Variants in VPS8 observed in about 807,000 individuals in gnomAD.
VPS8 encodes the protein vacuolar protein sorting-associated protein 8 homolog.
A neutral mutation model predicts 216.4 loss-of-function variants in VPS8; 129 were observed. That is an observed-to-expected ratio of 0.60 (90% CI 0.52 to 0.69). The LOEUF (loss-of-function observed/expected upper bound fraction) is 0.69. Ranked by LOEUF, VPS8 falls within the 30% of genes least tolerant of loss-of-function variation. The pLI, the probability that VPS8 is intolerant of heterozygous loss-of-function variation, is 0.00. For synonymous variants in VPS8, 571 were observed against 565.4 expected, an observed-to-expected ratio of 1.01 and a Z score of -0.14; for missense variants, 1,531 against 1,683.5, an observed-to-expected ratio of 0.91 and a Z score of 1.59.
chr3:184,952,288 G>A (rs181360047), intron 36 of VPS8, among the ~76,000 whole-genome samples: 21 of 152,226 alleles, frequency 1.4e-4, no homozygotes, highest in Middle Eastern at 3.4e-3. Context: ...CATTGGTGAC[G>A]TGTGTGGGGA....
At position 184,926,588 on chromosome 3, in the gene VPS8, G is replaced by A; in HGVS notation, c.2575-6G>A. The stretch of plus-strand genomic sequence containing the variant: ...ATCAAATAAAAAATACTTTTTCTTC[G>A]GCCAGGTCCTTGAATTCCTTTGTAG... On this transcript the variant is annotated splice_polypyrimidine_tract_variant and splice_region_variant and intron_variant, in intron 30 of 47. Transcript: ENST00000625842. 6.3e-7 allele frequency: 1 copy of A among 1,592,810 alleles called. No individual in the cohort carries two copies. Among genetic ancestry groups the A allele is most frequent in the Non-Finnish European group, 8.6e-7 (1 of 1,169,316 alleles).
chr3:184,951,974 C>T (rs565556755), intron 36 of VPS8, among the ~76,000 whole-genome samples: 9 of 152,200 alleles, frequency 5.9e-5, no homozygotes, highest in South Asian at 2.1e-4. Flanking sequence ...AACTTTGTTT[C>T]TCGTAAATGG....
intron 45 of VPS8, among the ~76,000 whole-genome samples, chr3:185,009,401 A>G (rs186485301): frequency 3.8e-4 from 58 of 152,354 alleles, no homozygotes; most frequent in Non-Finnish European, 7.3e-4. Flanking sequence ...ACTGAGACAC[A>G]TTAAAAATAC....
At chr3:184,999,542 G>A (rs1164315735) in intron 44 of VPS8, among the ~76,000 whole-genome samples, 154 bp from the exon 45 acceptor site, 1 of 152,206 alleles carries the variant, frequency 6.6e-6, no homozygotes, top group African/African-American at 2.4e-5. Context: ...GAGGACAGCA[G>A]CAAGTACATT....
intron 39 of VPS8, among the ~76,000 whole-genome samples, chr3:184,967,430 A>G (rs1224720635): frequency 3.9e-5 from 6 of 152,210 alleles, no homozygotes; most frequent in Admixed American, 3.9e-4. Flanking sequence ...CCGAATTTAT[A>G]CAGTTTTAAC....
intron 21 of VPS8, among the ~76,000 whole-genome samples, chr3:184,876,696 G>A (rs758407872): frequency 5.9e-5 from 9 of 152,124 alleles, no homozygotes; most frequent in Non-Finnish European, 1.0e-4. Flanking sequence ...GGTGATTCTT[G>A]TCTTTTACTT....
At position 184,884,971 on chromosome 3, in the gene VPS8, G is replaced by T. The variant is rs563620591; in HGVS notation, c.1735-1139G>T. ...CATTACCTAGCCCACTGTATTCTCAGTCAGGGTTGAGATTTGCTGTAGCTC... is the reference window on the plus strand; with the variant it reads ...CATTACCTAGCCCACTGTATTCTCATTCAGGGTTGAGATTTGCTGTAGCTC... On this transcript the variant is annotated intron_variant, in intron 21 of 47. Transcript: ENST00000625842. 2.6e-4 allele frequency among the ~76,000 whole-genome samples: 39 copies of T among 152,290 alleles called. No homozygotes were observed. In the South Asian group the frequency reaches 7.7e-3, roughly 30 times the overall value.
chr3:184,910,128 A>ATTTT lies in VPS8; in HGVS notation c.2147-3372_2147-3369dup, dbSNP rs10707371. 4.1e-4 allele frequency among the ~76,000 whole-genome samples: 36 copies of ATTTT among 87,264 alleles called. 1 individual carries two copies. Among genetic ancestry groups the ATTTT allele is most frequent in the African/African-American group, 8.1e-4 (18 of 22,126 alleles). 57.2% of individuals were successfully genotyped at this position (87,264 alleles called of 152,430 possible). ...TCTCTTTTCTTTGCAAGATTCTCCT[A>ATTTT]TTTTTTTTTTTTTTTTTTTTTTGAG... On this transcript the variant is annotated intron_variant, in intron 25 of 47. Transcript: ENST00000625842.
At chr3:184,834,522 G>T (rs897296641) in intron 4 of VPS8, 127 bp from the exon 5 acceptor site, 12 of 694,684 alleles carry the variant, frequency 1.7e-5, no homozygotes, top group Non-Finnish European at 2.7e-5. Context: ...AAAAAAAACA[G>T]ATCTAACAAA....
intron 36 of VPS8, among the ~76,000 whole-genome samples, chr3:184,940,503 A>C (rs1473445294): frequency 6.6e-6 from 1 of 152,146 alleles, no homozygotes; most frequent in Non-Finnish European, 1.5e-5. Flanking sequence ...AAAATAATGA[A>C]GCCATGCCAC....
At chr3:184,938,160 A>T (rs1368008517) in intron 35 of VPS8, among the ~76,000 whole-genome samples, 1 of 152,128 alleles carries the variant, frequency 6.6e-6, no homozygotes, top group Admixed American at 6.5e-5. Flanking sequence ...TTGTGAAGTA[A>T]AATGTATAGG....
chr3:184,870,652 A>G (rs1311509174), intron 20 of VPS8, 64 bp from the exon 21 acceptor site: 2 of 1,209,824 alleles, frequency 1.7e-6, no homozygotes, highest in Admixed American at 2.2e-5. Flanking sequence ...TAGGAGAGCC[A>G]CATACATATT....
intron 13 of VPS8, among the ~76,000 whole-genome samples, chr3:184,854,539 C>T (rs1460183563): frequency 6.6e-6 from 1 of 152,192 alleles, no homozygotes. Context: ...TAGCTTCATT[C>T]GTTGCCCTTC....
chr3:185,047,214 C>T (rs1170301587), intron 46 of VPS8, among the ~76,000 whole-genome samples: 3 of 152,228 alleles, frequency 2.0e-5, no homozygotes, highest in Non-Finnish European at 4.4e-5. Context: ...TGCGCAGTAC[C>T]TGCGGGCCTT....
At chr3:185,018,451 G>C (rs545139385) in intron 45 of VPS8, among the ~76,000 whole-genome samples, 1 of 152,284 alleles carries the variant, frequency 6.6e-6, no homozygotes, top group East Asian at 1.9e-4. Context: ...ATCTAAACCA[G>C]CCCAGCTGCC....
At chr3:184,899,135 A>G in intron 24 of VPS8, among the ~76,000 whole-genome samples, 1 of 152,324 alleles carries the variant, frequency 6.6e-6, no homozygotes, top group South Asian at 2.1e-4. Context: ...TCAGAATTTT[A>G]TAGCATTCAT....
chr3:184,995,961 T>TG (rs1259270284), intron 43 of VPS8, among the ~76,000 whole-genome samples: 8 of 152,236 alleles, frequency 5.3e-5, no homozygotes, highest in African/African-American at 1.9e-4. Context: ...TACAACACTC[T>TG]GAGCCATTCA....
At chr3:184,969,143 C>T (rs541275997) in intron 39 of VPS8, among the ~76,000 whole-genome samples, 13 of 152,008 alleles carry the variant, frequency 8.6e-5, no homozygotes, top group South Asian at 4.2e-4. Flanking sequence ...GGGGGGACGG[C>T]GTCTCGCTCT....
chr3:184,936,189 G>A (rs1417106121), intron 34 of VPS8, 57 bp from the exon 35 acceptor site: 18 of 1,458,048 alleles, frequency 1.2e-5, no homozygotes, highest in Admixed American at 9.8e-5. Flanking sequence ...TCACATCTGT[G>A]GATATGCTGT....
Sources: allele counts gnomAD v4.1 joint callset (sites outside exome capture counted in the v4.1 genomes callset), GRCh38; gene constraint gnomAD v4.1.1; transcripts MANE v1.5; gene names NCBI Gene and HGNC (gene_info 2026-07-23, HGNC 2026-07-21).